PTPRD: variants seen among roughly 807,000 people sequenced by gnomAD.
The protein encoded by PTPRD is receptor-type tyrosine-protein phosphatase delta.
A neutral mutation model predicts 214.5 loss-of-function variants in PTPRD; 34 were observed. The observed-to-expected ratio is 0.16, with a 90% CI of 0.12 to 0.21. The LOEUF is 0.21. Among genes scored for constraint, PTPRD ranks in the 10% least tolerant of loss-of-function variants. The pLI, the probability that PTPRD is intolerant of heterozygous loss-of-function variation, is 1.00. For missense variants in PTPRD, 2,545 were observed against 2,398.7 expected (o/e 1.06, Z -1.27); for synonymous variants, 1,128 against 845.7 (o/e 1.33, Z -5.79).
chr9:8,964,801 T>C (rs1034937417), intron 11 of PTPRD, among the ~76,000 whole-genome samples: 8 of 152,190 alleles, frequency 5.3e-5, no homozygotes, highest in African/African-American at 1.9e-4. Flanking sequence ...CTTGATTTCA[T>C]TGTTTATCCA....
At chr9:10,141,782 C>T (rs940493831) in intron 3 of PTPRD, among the ~76,000 whole-genome samples, 5 of 152,070 alleles carry the variant, frequency 3.3e-5, no homozygotes, top group Non-Finnish European at 5.9e-5. Flanking sequence ...AAAAAAGAGC[C>T]CGCATTGCCA....
At chr9:10,443,712 GA>G (rs2098777699) in intron 2 of PTPRD, among the ~76,000 whole-genome samples, 1 of 150,596 alleles carries the variant, frequency 6.6e-6, no homozygotes, top group Non-Finnish European at 1.5e-5. Flanking sequence ...TTTCCCTTAG[GA>G]ATTCTCCTCA....
chr9:9,460,785 A>G (rs2093586406), intron 8 of PTPRD, among the ~76,000 whole-genome samples: 1 of 152,050 alleles, frequency 6.6e-6, no homozygotes, highest in Non-Finnish European at 1.5e-5. Context: ...ACAAATAAAG[A>G]TAAAACTACT....
intron 11 of PTPRD, among the ~76,000 whole-genome samples, chr9:8,786,402 C>CTTTT (rs36018689): frequency 3.3e-4 from 22 of 66,994 alleles, no homozygotes; most frequent in East Asian, 1.6e-3. Context: ...GTTTGGAGTT[C>CTTTT]TTTTTTTTTT....
chr9:8,471,028 T>C lies in PTPRD; in HGVS notation c.3471A>G (p.Pro1157=), dbSNP rs746425760. The C allele has an allele frequency of 8.7e-6, 14 of 1,613,314 alleles. No individual in the cohort carries two copies. The South Asian group carries it at 1.4e-4, about 16-fold the overall frequency. The change falls in exon 31 of 46, where the codon CCA becomes CCG. Residue 1157 remains proline (P), a synonymous_variant. Transcript: ENST00000381196. The part of the protein sequence containing the change: ...LKKSRGKFIK[P]WESPDEMELD... ...ATTCCATTTCATCTGGACTCTCCCA[T>C]GGCTTGATAAATTTCCCGCGAGATT... is the stretch of plus-strand genomic sequence containing the variant.
At position 9,162,683 on chromosome 9, in the gene PTPRD, G is replaced by T. The variant is rs144549170; in HGVS notation, c.-143+20621C>A. ...CATGGTTTTTCAGCATTAAAAAATA[G>T]AAAATAAAAAGTAAACAACCTTCAA... On this transcript the variant is annotated intron_variant, in intron 10 of 45. Transcript: ENST00000381196. Among the ~76,000 whole-genome samples the T allele has an allele frequency of 3.3e-3, 497 of 152,038 alleles. 2 individuals carry two copies. The highest frequency in any genetic ancestry group is 4.4e-3 in the Non-Finnish European group (299 of 67,960).
At chr9:8,569,454 G>C (rs2090454401) in intron 14 of PTPRD, among the ~76,000 whole-genome samples, 1 of 152,054 alleles carries the variant, frequency 6.6e-6, no homozygotes, top group African/African-American at 2.4e-5. Context: ...TACCTCAGAA[G>C]AACTCTTTCT....
chr9:8,730,757 G>A (rs759833637), intron 12 of PTPRD, among the ~76,000 whole-genome samples: 6 of 152,162 alleles, frequency 3.9e-5, no homozygotes, highest in Admixed American at 2.6e-4. Context: ...TAATCTGCAT[G>A]CATCTTACAG....
rs920052151 is a variant in PTPRD, at chr9:8,963,679, G to T, written c.-104+55018C>A. On this transcript the variant is annotated intron_variant, in intron 11 of 45. Transcript: ENST00000381196. The stretch of plus-strand genomic sequence containing the variant: ...CTGTTGCCCAGTCTGAAGTTCAGTG[G>T]TGCCAACATGGCTTGCTGCAGCCTC... Among the ~76,000 whole-genome samples the T allele has an allele frequency of 8.6e-5, 13 of 152,038 alleles. No individual in the cohort carries two copies. In the South Asian group the frequency reaches 2.5e-3, roughly 29 times the overall value.
At chr9:8,952,396 T>C (rs2099107185) in intron 11 of PTPRD, among the ~76,000 whole-genome samples, 1 of 151,996 alleles carries the variant, frequency 6.6e-6, no homozygotes, top group Non-Finnish European at 1.5e-5. Flanking sequence ...CAGGGCAATT[T>C]TTCTTGAATT....
chr9:9,475,931 T>C (rs2095000448), intron 8 of PTPRD, among the ~76,000 whole-genome samples: 1 of 152,114 alleles, frequency 6.6e-6, no homozygotes, highest in Non-Finnish European at 1.5e-5. Context: ...GTTTCACACA[T>C]TGTAGGGATT....
intron 26 of PTPRD, among the ~76,000 whole-genome samples, chr9:8,495,404 T>C (rs1475167635): frequency 1.3e-5 from 2 of 152,220 alleles, no homozygotes; most frequent in Admixed American, 6.5e-5. Context: ...CTCTGTTGCA[T>C]TTTTATCACT....
intron 11 of PTPRD, among the ~76,000 whole-genome samples, chr9:8,839,030 C>T (rs2097501733): frequency 6.6e-6 from 1 of 152,034 alleles, no homozygotes; most frequent in Non-Finnish European, 1.5e-5. Context: ...CACCTTGTAA[C>T]GAACTGCAAA....
chr9:9,448,374 G>C (rs1369653313), intron 8 of PTPRD, among the ~76,000 whole-genome samples: 1 of 151,908 alleles, frequency 6.6e-6, no homozygotes, highest in African/African-American at 2.4e-5. Flanking sequence ...TTTCCCCCAT[G>C]CTGTTTTCAA....
chr9:8,677,772 C>A (rs913322654), intron 12 of PTPRD, among the ~76,000 whole-genome samples: 39 of 152,168 alleles, frequency 2.6e-4, no homozygotes, highest in Non-Finnish European at 4.4e-5. Context: ...TTCCCCATGA[C>A]AATCTGTAGT....
chr9:8,933,442 G>C (rs907542920), intron 11 of PTPRD, among the ~76,000 whole-genome samples: 23 of 142,106 alleles, frequency 1.6e-4, no homozygotes, highest in African/African-American at 6.0e-4. Flanking sequence ...TTTTCTGAAT[G>C]ATTTTAAAGG....
intron 5 of PTPRD, among the ~76,000 whole-genome samples, chr9:9,769,113 G>C (rs1555017067): frequency 1.3e-5 from 2 of 149,198 alleles, no homozygotes; most frequent in South Asian, 2.3e-4. Flanking sequence ...AAGACAAAAA[G>C]AAAAAATGAA....
intron 4 of PTPRD, among the ~76,000 whole-genome samples, chr9:9,963,895 GT>G (rs1439446835): frequency 6.6e-6 from 1 of 152,154 alleles, no homozygotes; most frequent in Non-Finnish European, 1.5e-5. Context: ...TCCAAGTGAA[GT>G]TCTTATTTAC....
chr9:9,607,810 G>A (rs1363184266), intron 7 of PTPRD, among the ~76,000 whole-genome samples: 3 of 151,884 alleles, frequency 2.0e-5, no homozygotes, highest in Admixed American at 2.0e-4. Flanking sequence ...AGATTCCGAA[G>A]GCTTGCCCCA....
Sources: gnomAD v4.1 joint callset for allele counts (sites outside exome capture counted in the v4.1 genomes callset) on GRCh38, gnomAD v4.1.1 for gene constraint, MANE v1.5 for transcripts, NCBI Gene and HGNC (gene_info 2026-07-23, HGNC 2026-07-21) for gene names.